The following LUZP2 variants were observed in gnomAD, a reference collection of about 807,000 sequenced individuals.
LUZP2 encodes leucine zipper protein 2.
A neutral mutation model predicts 51.6 loss-of-function variants in LUZP2; 52 were observed. That is an observed-to-expected ratio of 1.01 (90% CI 0.81 to 1.27). The LOEUF (loss-of-function observed/expected upper bound fraction) is 1.27. Ranked by LOEUF, LUZP2 falls within the 50% of genes most tolerant of loss-of-function variation. The probability of loss-of-function intolerance (pLI) is 0.00; values close to 1 mark genes in which losing one functional copy is unlikely to be tolerated. For synonymous variants in LUZP2, 154 were observed against 137.3 expected, an observed-to-expected ratio of 1.12 and a Z score of -0.85; for missense variants, 436 against 395.4, an observed-to-expected ratio of 1.10 and a Z score of -0.87.
chr11:24,746,517 T>C (rs1859385916), intron 4 of LUZP2, among the ~76,000 whole-genome samples: 1 of 152,214 alleles, frequency 6.6e-6, no homozygotes. Context: ...GATAACCTGA[T>C]GACAATGTGT....
intron 1 of LUZP2, among the ~76,000 whole-genome samples, chr11:24,506,365 TA>T (rs751449044): frequency 1.3e-5 from 2 of 152,046 alleles, no homozygotes; most frequent in Non-Finnish European, 2.9e-5. Context: ...CTCTGAATTA[TA>T]AAAGAAACAA....
intron 1 of LUZP2, among the ~76,000 whole-genome samples, chr11:24,561,581 G>A (rs1160114983): frequency 2.0e-5 from 3 of 152,050 alleles, no homozygotes; most frequent in Non-Finnish European, 4.4e-5. Context: ...ACCAAACACT[G>A]CATGTTCTCA....
chr11:25,038,527 T>G (rs531660879), intron 9 of LUZP2, among the ~76,000 whole-genome samples: 1 of 152,348 alleles, frequency 6.6e-6, no homozygotes, highest in African/African-American at 2.4e-5. Flanking sequence ...AAATGGCAGT[T>G]ACATCTTTCT....
chr11:24,729,120 C>A, intron 1 of LUZP2, 49 bp from the exon 2 acceptor site: 3 of 924,314 alleles, frequency 3.2e-6, no homozygotes, highest in Non-Finnish European at 4.7e-6. Context: ...ATGACTGATG[C>A]CAAGTGGAAC....
At chr11:25,034,477 C>T (rs1010589741) in intron 9 of LUZP2, among the ~76,000 whole-genome samples, 2 of 151,892 alleles carry the variant, frequency 1.3e-5, no homozygotes, top group Admixed American at 6.6e-5. Context: ...GGGGACTTAG[C>T]CAAAATTTGT....
At chr11:24,499,401 A>G (rs1271948466) in intron 1 of LUZP2, among the ~76,000 whole-genome samples, 1 of 152,204 alleles carries the variant, frequency 6.6e-6, no homozygotes, top group Non-Finnish European at 1.5e-5. Context: ...CATTCTGTGT[A>G]TAATATTTAA....
intron 9 of LUZP2, among the ~76,000 whole-genome samples, chr11:25,010,955 C>A (rs1302616776): frequency 2.6e-5 from 4 of 152,088 alleles, no homozygotes; most frequent in Non-Finnish European, 5.9e-5. Context: ...TTAATAGGAG[C>A]TTCTTATAAG....
intron 1 of LUZP2, among the ~76,000 whole-genome samples, chr11:24,619,962 A>G (rs1386776988): frequency 1.3e-5 from 2 of 152,154 alleles, no homozygotes; most frequent in African/African-American, 4.8e-5. Flanking sequence ...AAGTTGTTTA[A>G]GCATTTTGGA....
intron 5 of LUZP2, among the ~76,000 whole-genome samples, chr11:24,859,872 A>G (rs1851685390): frequency 6.6e-6 from 1 of 152,188 alleles, no homozygotes; most frequent in South Asian, 2.1e-4. Context: ...AACCCAAGCC[A>G]CTGGGGCCTA....
intron 7 of LUZP2, among the ~76,000 whole-genome samples, chr11:24,967,863 C>T (rs1245735686): frequency 1.3e-5 from 2 of 152,082 alleles, no homozygotes; most frequent in South Asian, 2.1e-4. Context: ...TGGTTATCAT[C>T]ATCTAGTCTT....
chr11:24,983,177 G>T lies in LUZP2; in HGVS notation c.649G>T (p.Val217Phe), dbSNP rs1269061237. The T allele has an allele frequency of 1.2e-6, 2 of 1,612,244 alleles. No homozygotes were observed. The highest frequency in any genetic ancestry group is 1.3e-5 in the African/African-American group (1 of 74,842). Residue 217 changes from valine to phenylalanine, a missense_variant, in exon 9 of 12, where the codon GTT (valine) becomes TTT (phenylalanine). Val to Phe is a conservative substitution (Grantham distance 50, BLOSUM62 -1). Coordinates refer to ENST00000336930, the MANE Select transcript of LUZP2 (RefSeq NM_001009909.4). The stretch of plus-strand genomic sequence containing the variant: ...GACTGTGCAGCTCTGCTTGACATCT[G>T]TTTTCCGTGATCAGCCTCCTCCCCC... ...KETVQLCLTS[V>F]FRDQPPPPLS... is the part of the protein sequence containing the mutation.
intron 7 of LUZP2, among the ~76,000 whole-genome samples, chr11:24,917,177 GTTGT>G (rs1223730081): frequency 1.4e-4 from 22 of 152,228 alleles, no homozygotes; most frequent in African/African-American, 2.6e-4. Flanking sequence ...TTTTGATGGG[GTTGT>G]TTGTTTTTTT....
At chr11:24,747,772 G>T (rs1409909603) in intron 4 of LUZP2, among the ~76,000 whole-genome samples, 3 of 152,024 alleles carry the variant, frequency 2.0e-5, no homozygotes, top group Non-Finnish European at 4.4e-5. Flanking sequence ...CAGGTGACTG[G>T]AGTTGTGTAC....
intron 5 of LUZP2, among the ~76,000 whole-genome samples, chr11:24,784,490 A>G (rs543125211): frequency 6.6e-6 from 1 of 152,002 alleles, no homozygotes; most frequent in Non-Finnish European, 1.5e-5. Context: ...TTGCTTATTG[A>G]TTCTGTCACA....
chr11:24,498,273 A>G (rs1398232433), intron 1 of LUZP2, among the ~76,000 whole-genome samples: 1 of 152,220 alleles, frequency 6.6e-6, no homozygotes, highest in African/African-American at 2.4e-5. Flanking sequence ...CTACGTGAAT[A>G]GAAACATTAT....
chr11:24,695,838 G>T (rs1857229873), intron 1 of LUZP2, among the ~76,000 whole-genome samples: 1 of 151,768 alleles, frequency 6.6e-6, no homozygotes, highest in Non-Finnish European at 1.5e-5. Context: ...AAATTTCTTT[G>T]GGATGAGATA....
At chr11:24,931,838 T>A (rs1590746587) in intron 7 of LUZP2, among the ~76,000 whole-genome samples, 1 of 152,284 alleles carries the variant, frequency 6.6e-6, no homozygotes, top group Non-Finnish European at 1.5e-5. Flanking sequence ...GGAATTGTTT[T>A]CCTGTTTGTT....
intron 8 of LUZP2, among the ~76,000 whole-genome samples, chr11:24,978,562 C>T (rs557949726): frequency 6.6e-6 from 1 of 151,782 alleles, no homozygotes; most frequent in South Asian, 2.1e-4. Context: ...TTTAGTCAGT[C>T]AATGACTAAA....
chr11:24,701,328 G>A (rs1465934222), intron 1 of LUZP2: 1 of 167,164 alleles, frequency 6.0e-6, no homozygotes, highest in Non-Finnish European at 1.5e-5. Context: ...AATAACTCAA[G>A]AGGAGATCTT....
Sources: allele counts gnomAD v4.1 joint callset (sites outside exome capture counted in the v4.1 genomes callset), GRCh38; gene constraint gnomAD v4.1.1; transcripts MANE v1.5; gene names NCBI Gene and HGNC (gene_info 2026-07-23, HGNC 2026-07-21).